NXPH2: variants seen among roughly 807,000 people sequenced by gnomAD.
The protein encoded by NXPH2 is neurexophilin-2.
NXPH2 carries 5 observed loss-of-function variants against 19.8 expected under a neutral mutation model. That is an observed-to-expected ratio of 0.25 (90% CI 0.13 to 0.53). The LOEUF is 0.53. NXPH2 is among the 20% of genes least tolerant of loss of function. The pLI is 0.96. For synonymous variants in NXPH2, 154 were observed against 127.4 expected, an observed-to-expected ratio of 1.21 and a Z score of -1.41; for missense variants, 289 against 322.8, an observed-to-expected ratio of 0.90 and a Z score of 0.80.
intron 1 of NXPH2, among the ~76,000 whole-genome samples, chr2:138,717,509 C>T (rs1034253656): frequency 2.0e-5 from 3 of 151,490 alleles, no homozygotes; most frequent in Non-Finnish European, 2.9e-5. Flanking sequence ...TCTATCCTCA[C>T]ATGGTGGAAA....
intron 1 of NXPH2, among the ~76,000 whole-genome samples, chr2:138,736,841 T>C (rs1681552544): frequency 6.6e-6 from 1 of 152,238 alleles, no homozygotes; most frequent in Non-Finnish European, 1.5e-5. Flanking sequence ...CCAGATAACC[T>C]AAATCATCTC....
At chr2:138,744,562 T>G (rs1681695620) in intron 1 of NXPH2, among the ~76,000 whole-genome samples, 1 of 152,150 alleles carries the variant, frequency 6.6e-6, no homozygotes, top group Admixed American at 6.6e-5. Context: ...GATCCCAGCC[T>G]CCCTACAGTT....
chr2:138,714,431 T>C (rs1419897119), intron 1 of NXPH2, among the ~76,000 whole-genome samples: 1 of 152,224 alleles, frequency 6.6e-6, no homozygotes, highest in Non-Finnish European at 1.5e-5. Flanking sequence ...TCTGAATTAC[T>C]AGAAATGGGG....
intron 1 of NXPH2, among the ~76,000 whole-genome samples, chr2:138,755,804 A>G (rs1472462660): frequency 1.3e-5 from 2 of 152,096 alleles, no homozygotes; most frequent in Admixed American, 6.6e-5. Flanking sequence ...ATTCACAAAC[A>G]TGCACTGGCT....
intron 1 of NXPH2, among the ~76,000 whole-genome samples, chr2:138,753,901 T>C (rs1459134917): frequency 2.0e-5 from 3 of 152,210 alleles, no homozygotes; most frequent in African/African-American, 7.2e-5. Flanking sequence ...TTCTTGCTGT[T>C]AGTTTTACAG....
At chr2:138,766,913 A>G (rs1468875106) in intron 1 of NXPH2, among the ~76,000 whole-genome samples, 6 of 152,094 alleles carry the variant, frequency 3.9e-5, no homozygotes, top group African/African-American at 7.2e-5. Context: ...ATTTTTGTTG[A>G]TTGTGTCATT....
At chr2:138,686,321 C>G (rs371822693) in intron 1 of NXPH2, among the ~76,000 whole-genome samples, 3 of 152,224 alleles carry the variant, frequency 2.0e-5, no homozygotes, top group East Asian at 3.9e-4. Flanking sequence ...GGAAAAGGTT[C>G]AACAGGACTG....
chr2:138,678,062 A>G (rs531496816), intron 1 of NXPH2, among the ~76,000 whole-genome samples: 1 of 152,332 alleles, frequency 6.6e-6, no homozygotes, highest in African/African-American at 2.4e-5. Flanking sequence ...AGGATCCCAC[A>G]TTAAATTTGG....
chr2:138,684,138 CT>C (rs1680614979), intron 1 of NXPH2, among the ~76,000 whole-genome samples: 1 of 152,120 alleles, frequency 6.6e-6, no homozygotes, highest in Non-Finnish European at 1.5e-5. Flanking sequence ...ATTCTTACAT[CT>C]ACTTTATGAG....
intron 1 of NXPH2, among the ~76,000 whole-genome samples, chr2:138,722,237 G>A (rs534793657): frequency 6.6e-6 from 1 of 152,358 alleles, no homozygotes; most frequent in Non-Finnish European, 1.5e-5. Context: ...AGGTGGTCAA[G>A]AAAGGAATCC....
intron 1 of NXPH2, among the ~76,000 whole-genome samples, chr2:138,703,190 G>T (rs567761289): frequency 6.6e-6 from 1 of 152,210 alleles, no homozygotes; most frequent in Non-Finnish European, 1.5e-5. Flanking sequence ...TTCGAGTGTT[G>T]ATGCAGGGAA....
intron 1 of NXPH2, among the ~76,000 whole-genome samples, chr2:138,763,043 A>G (rs1682042062): frequency 6.6e-6 from 1 of 152,240 alleles, no homozygotes; most frequent in South Asian, 2.1e-4. Context: ...AAAAACTTTA[A>G]ATCATGAAAT....
intron 1 of NXPH2, among the ~76,000 whole-genome samples, chr2:138,750,220 A>G (rs1333984445): frequency 1.3e-5 from 2 of 152,136 alleles, no homozygotes; most frequent in East Asian, 1.9e-4. Context: ...TGCTTCTTTT[A>G]TAGCTCACCA....
intron 1 of NXPH2, among the ~76,000 whole-genome samples, chr2:138,755,659 T>C (rs1051511597): frequency 1.3e-5 from 2 of 152,244 alleles, no homozygotes; most frequent in African/African-American, 2.4e-5. Flanking sequence ...ATTCTAGGTA[T>C]TGGACTTTCT....
At chr2:138,728,409 T>C (rs942771621) in intron 1 of NXPH2, among the ~76,000 whole-genome samples, 6 of 152,250 alleles carry the variant, frequency 3.9e-5, no homozygotes, top group African/African-American at 1.4e-4. Context: ...AAGACTAATA[T>C]AATTTCTAAA....
chr2:138,670,810 A>G lies in NXPH2; in HGVS notation c.*112T>C. The G allele has an allele frequency of 2.6e-6, 3 of 1,160,684 alleles. No individual in the cohort carries two copies. Among genetic ancestry groups the G allele is most frequent in the Non-Finnish European group, 3.6e-6 (3 of 837,516 alleles). The allele number at this position is 1,160,684 out of a possible 1,614,324, so 71.9% of individuals were successfully genotyped here. On this transcript the variant is annotated 3_prime_UTR_variant, in exon 2 of 2. Coordinates refer to ENST00000272641, the MANE Select transcript of NXPH2 (RefSeq NM_007226.3). The stretch of plus-strand genomic sequence containing the variant: ...AAATTTGAAAACCTGATAGGGAACT[A>G]TTGTTCACTGCCAGAAACAAAAGGG...
At chr2:138,699,885 G>A (rs1160991057) in intron 1 of NXPH2, among the ~76,000 whole-genome samples, 1 of 152,206 alleles carries the variant, frequency 6.6e-6, no homozygotes, top group Non-Finnish European at 1.5e-5. Context: ...CGCCAACATA[G>A]ATTAGGATAT....
At chr2:138,724,514 G>A (rs1573967374) in intron 1 of NXPH2, among the ~76,000 whole-genome samples, 2 of 152,326 alleles carry the variant, frequency 1.3e-5, no homozygotes, top group East Asian at 1.9e-4. Context: ...CCTTTGTGGG[G>A]CAGAGCTCAA....
chr2:138,696,926 T>A (rs1680837684), intron 1 of NXPH2, among the ~76,000 whole-genome samples: 1 of 151,998 alleles, frequency 6.6e-6, no homozygotes, highest in South Asian at 2.1e-4. Flanking sequence ...ATAATTAAAT[T>A]GAAAATAAAA....
Sources: gnomAD v4.1 joint callset for allele counts (sites outside exome capture counted in the v4.1 genomes callset) on GRCh38, gnomAD v4.1.1 for gene constraint, MANE v1.5 for transcripts, NCBI Gene and HGNC (gene_info 2026-07-23, HGNC 2026-07-21) for gene names.